Variants in TLN2 observed in about 807,000 individuals in gnomAD.
TLN2 encodes talin-2.
TLN2 carries 118 observed loss-of-function variants against 294.7 expected under a neutral mutation model. That is an observed-to-expected ratio of 0.40 (90% confidence interval 0.34 to 0.47). The LOEUF (loss-of-function observed/expected upper bound fraction) is 0.47. Ranked by LOEUF, TLN2 falls within the 20% of genes least tolerant of loss-of-function variation. The pLI, the probability that TLN2 is intolerant of heterozygous loss-of-function variation, is 0.84. For synonymous variants in TLN2, 1,431 were observed against 1,304.5 expected, an observed-to-expected ratio of 1.10 and a Z score of -2.09; for missense variants, 3,083 against 3,282.2, an observed-to-expected ratio of 0.94 and a Z score of 1.48.
Position 62,740,733 on chromosome 15 carries a change from C to T in TLN2, c.3989C>T (p.Ala1330Val). Residue 1330 changes from alanine to valine, a missense_variant, in exon 32 of 59, where the codon GCT becomes GTT. By Grantham distance (64) the Ala-to-Val change is moderately conservative. Transcript: ENST00000636159. ...AAKSLSVDPG[A>V]PNAKNLLAAA... ...AAGTCTCTCTCTGTAGATCCAGGAG[C>T]TCCCAATGCGAAAAATCTCCTGGCT... The T allele has an allele frequency of 6.2e-7, 1 of 1,614,200 alleles. No homozygotes were observed. Among genetic ancestry groups the T allele is most frequent in the Non-Finnish European group, 8.5e-7 (1 of 1,180,038 alleles).
At chr15:62,728,066 T>C (rs1238173156) in intron 28 of TLN2, among the ~76,000 whole-genome samples, 3 of 152,166 alleles carry the variant, frequency 2.0e-5, no homozygotes, top group Non-Finnish European at 4.4e-5. Context: ...AAGAAGCCAC[T>C]ACCAGGATCG....
intron 1 of TLN2, among the ~76,000 whole-genome samples, chr15:62,541,809 T>C (rs1456410153): frequency 6.6e-6 from 1 of 152,132 alleles, no homozygotes; most frequent in East Asian, 1.9e-4. Context: ...TAGACATTAT[T>C]ACATGGATAT....
chr15:62,398,968 G>C lies in TLN2; in HGVS notation c.-238+8283G>C, dbSNP rs118097164. Among the ~76,000 whole-genome samples the C allele has an allele frequency of 4.1e-4, 63 of 152,234 alleles. 1 individual carries two copies. Among genetic ancestry groups the C allele is most frequent in the Middle Eastern group, 3.4e-3 (1 of 294 alleles). Reference sequence around the variant, plus strand: ...AGGCCTAGGAGGGAAAAATGGTTTCGTGGGCTGGGTCCAGGGCCCCCTGCT... The same window carrying C: ...AGGCCTAGGAGGGAAAAATGGTTTCCTGGGCTGGGTCCAGGGCCCCCTGCT... On this transcript the variant is annotated intron_variant, in intron 1 of 58. Coordinates refer to ENST00000636159, the MANE Select transcript of TLN2 (RefSeq NM_015059.3).
At chr15:62,594,231 C>T (rs1360945841) in intron 2 of TLN2, among the ~76,000 whole-genome samples, 1 of 152,178 alleles carries the variant, frequency 6.6e-6, no homozygotes, top group Non-Finnish European at 1.5e-5. Flanking sequence ...GTTTTGGAGA[C>T]AGGATCTCTC....
chr15:62,627,777 T>C (rs1300535605), intron 3 of TLN2, among the ~76,000 whole-genome samples: 1 of 152,178 alleles, frequency 6.6e-6, no homozygotes, highest in Admixed American at 6.5e-5. Flanking sequence ...AAATTTTCCT[T>C]TTTTTTCTTT....
chr15:62,583,156 G>A (rs572193018), intron 1 of TLN2, among the ~76,000 whole-genome samples: 69 of 152,150 alleles, frequency 4.5e-4, no homozygotes, highest in Admixed American at 9.8e-4. Flanking sequence ...TAAACATTAT[G>A]TTCAGAATAT....
At position 62,708,484 on chromosome 15, in the gene TLN2, G is replaced by T; in HGVS notation, c.2173-18G>T. 6.2e-7 allele frequency: 1 copy of T among 1,609,000 alleles called. No individual in the cohort carries two copies. The highest frequency in any genetic ancestry group is 8.5e-7 in the Non-Finnish European group (1 of 1,175,914). ...GATTCAACCACAGTGCCCAAAACCT[G>T]TTCCTGTCTCACTTCAGGTTGTGAG... On this transcript the variant is annotated intron_variant, in intron 20 of 58. Transcript: ENST00000636159.
At chr15:62,570,903 CTG>C (rs58523803) in intron 1 of TLN2, among the ~76,000 whole-genome samples, 8,718 of 143,754 alleles carry the variant, frequency 0.061, 262 homozygotes, top group East Asian at 0.078. Context: ...GCACAGGCAT[CTG>C]TGTGTGTGTG....
intron 9 of TLN2, among the ~76,000 whole-genome samples, chr15:62,658,748 T>C (rs2053503725): frequency 6.6e-6 from 1 of 152,166 alleles, no homozygotes; most frequent in African/African-American, 2.4e-5. Flanking sequence ...CTCGGGAAGC[T>C]TCCCCTTCTC....
chr15:62,766,300 T>G, intron 40 of TLN2, 21 bp from the exon 41 acceptor site: 1 of 1,602,886 alleles, frequency 6.2e-7, no homozygotes, highest in Non-Finnish European at 8.5e-7. Context: ...GGGATGAACT[T>G]GACACTTCTC....
chr15:62,784,017 C>T, intron 45 of TLN2, 127 bp downstream of exon 45: 1 of 1,493,378 alleles, frequency 6.7e-7, no homozygotes, highest in Non-Finnish European at 9.1e-7. Flanking sequence ...AGTTTATTTC[C>T]CCACCACTGC....
intron 1 of TLN2, among the ~76,000 whole-genome samples, chr15:62,458,636 G>C (rs115926191): frequency 0.037 from 5,483 of 150,176 alleles, 122 homozygotes; most frequent in African/African-American, 0.065. Context: ...GGGTGTCATG[G>C]TGCGCACCTA....
chr15:62,553,447 T>A (rs1433801248), intron 1 of TLN2, among the ~76,000 whole-genome samples: 1 of 151,926 alleles, frequency 6.6e-6, no homozygotes, highest in Non-Finnish European at 1.5e-5. Flanking sequence ...ATCACGCCAT[T>A]GCACTCCAGT....
chr15:62,653,494 G>A (rs909381098), intron 7 of TLN2, among the ~76,000 whole-genome samples, 180 bp downstream of exon 7: 4 of 152,174 alleles, frequency 2.6e-5, no homozygotes, highest in Non-Finnish European at 5.9e-5. Flanking sequence ...GGGAGGCCAA[G>A]GCAGGTGTAT....
rs1318384719 is a variant in TLN2, at chr15:62,686,756, C to A, written c.1073C>A (p.Thr358Asn). Residue 358 changes from threonine to asparagine, a missense_variant, in exon 12 of 59, where the codon ACC (threonine) becomes AAC (asparagine). Physicochemically the swap from Thr to Asn is moderately conservative, Grantham distance 65 (BLOSUM62 0). Transcript: ENST00000636159. ...GTGCTGCAGGAGTGGCCCCTCACCA[C>A]CGTCAAGCGCTGGGCAGCCTCACCC... is the stretch of plus-strand genomic sequence containing the variant. ...KEVLQEWPLTTVKRWAASPKS... is the reference protein window; with the variant it reads ...KEVLQEWPLTNVKRWAASPKS... The A allele has an allele frequency of 2.5e-6, 4 of 1,613,526 alleles. No homozygotes were observed. The African/African-American group carries it at 4.0e-5, about 16-fold the overall frequency.
Position 62,722,301 on chromosome 15 carries a change from T to C in TLN2, c.2992-52T>C, listed in dbSNP as rs1798243360. The C allele has an allele frequency of 1.9e-6, 3 of 1,569,558 alleles. No individual in the cohort carries two copies. The South Asian group carries it at 3.5e-5, about 18-fold the overall frequency. ...GACCTCGCTGCTTAGGTCTCTCCTC[T>C]CTACCTCTTGCTGCCCAGGAGCCAT... On this transcript the variant is annotated intron_variant, in intron 25 of 58. Coordinates refer to ENST00000636159, the MANE Select transcript of TLN2 (RefSeq NM_015059.3).
chr15:62,770,517 A>G (rs1377589158), intron 41 of TLN2, among the ~76,000 whole-genome samples: 2 of 152,212 alleles, frequency 1.3e-5, no homozygotes, highest in Non-Finnish European at 2.9e-5. Flanking sequence ...GCTCTGGGCA[A>G]AAGGCAGTTG....
At chr15:62,796,641 C>T (rs1019198120) in intron 47 of TLN2, among the ~76,000 whole-genome samples, 1 of 149,668 alleles carries the variant, frequency 6.7e-6, no homozygotes, top group Admixed American at 6.6e-5. Context: ...CGCTTAAACC[C>T]TGTTTTGGGA....
chr15:62,714,852 T>G (rs749151751), intron 22 of TLN2, among the ~76,000 whole-genome samples: 3 of 152,282 alleles, frequency 2.0e-5, no homozygotes, highest in Non-Finnish European at 4.4e-5. Context: ...AAAAAAGACA[T>G]TGCTGAGCAA....
Sources: gnomAD v4.1 joint callset for allele counts (sites outside exome capture counted in the v4.1 genomes callset) on GRCh38, gnomAD v4.1.1 for gene constraint, MANE v1.5 for transcripts, NCBI Gene and HGNC (gene_info 2026-07-23, HGNC 2026-07-21) for gene names.